Variants in NBEA observed in about 807,000 individuals in gnomAD.
NBEA encodes lysosomal-trafficking regulator 2.
NBEA carries 44 observed loss-of-function variants against 343.4 expected under a neutral mutation model. That is an observed-to-expected ratio of 0.13 (90% CI 0.10 to 0.16). The LOEUF (loss-of-function observed/expected upper bound fraction) is 0.16. Among genes scored for constraint, NBEA ranks in the 10% least tolerant of loss-of-function variants. The probability of loss-of-function intolerance (pLI) is 1.00; values close to 1 mark genes in which losing one functional copy is unlikely to be tolerated. For synonymous variants in NBEA, 1,175 were observed against 1,238.7 expected (o/e 0.95, Z 1.08); for missense variants, 2,555 against 3,631.3 (o/e 0.70, Z 7.62).
chr13:35,276,910 A>G (rs1468090428), intron 34 of NBEA, among the ~76,000 whole-genome samples: 1 of 152,168 alleles, frequency 6.6e-6, no homozygotes, highest in Non-Finnish European at 1.5e-5. Flanking sequence ...TAGATTATAC[A>G]TTTGTTTAAA....
chr13:35,566,302 G>A (rs1049194043), intron 44 of NBEA, among the ~76,000 whole-genome samples: 1 of 151,974 alleles, frequency 6.6e-6, no homozygotes, highest in Admixed American at 6.6e-5. Context: ...CAGAGGTTGC[G>A]GTGAGCCAAG....
intron 53 of NBEA, among the ~76,000 whole-genome samples, chr13:35,652,769 A>C (rs1262601840): frequency 1.7e-5 from 2 of 115,078 alleles, no homozygotes; most frequent in African/African-American, 3.4e-5. Flanking sequence ...ATCTCGGCTC[A>C]CTGCAACCTC....
At chr13:35,408,842 A>G (rs576777900) in intron 38 of NBEA, among the ~76,000 whole-genome samples, 12 of 152,284 alleles carry the variant, frequency 7.9e-5, no homozygotes, top group Non-Finnish European at 1.6e-4. Flanking sequence ...TTAAAAAGTC[A>G]AAAACAACAG....
intron 41 of NBEA, among the ~76,000 whole-genome samples, chr13:35,505,159 A>G (rs2077028679): frequency 6.6e-6 from 1 of 152,172 alleles, no homozygotes; most frequent in Admixed American, 6.6e-5. Flanking sequence ...TTTAAAACAT[A>G]CCTATACTTG....
chr13:35,142,080 A>G (rs941687578), intron 17 of NBEA, among the ~76,000 whole-genome samples, 189 bp from the exon 18 acceptor site: 1 of 152,256 alleles, frequency 6.6e-6, no homozygotes. Context: ...AAAAGTTTTT[A>G]ACTAATAGTC....
intron 8 of NBEA, among the ~76,000 whole-genome samples, chr13:35,060,890 A>C (rs1057503484): frequency 2.0e-5 from 3 of 151,672 alleles, no homozygotes; most frequent in African/African-American, 7.2e-5. Flanking sequence ...GGTGTAGAGA[A>C]TATAATAACT....
intron 1 of NBEA, among the ~76,000 whole-genome samples, chr13:34,955,751 G>A (rs564195111): frequency 6.6e-6 from 1 of 152,152 alleles, no homozygotes; most frequent in Admixed American, 6.5e-5. Context: ...CTTTCAGTTA[G>A]GAGGAGTTAA....
At chr13:35,257,220 T>C (rs1414857209) in intron 34 of NBEA, among the ~76,000 whole-genome samples, 1 of 152,256 alleles carries the variant, frequency 6.6e-6, no homozygotes, top group Non-Finnish European at 1.5e-5. Flanking sequence ...TGGATAAGTT[T>C]AACTTGTTAG....
chr13:35,287,535 C>T lies in NBEA; in HGVS notation c.5777-2854C>T, dbSNP rs547510381. Among the ~76,000 whole-genome samples the T allele has an allele frequency of 1.4e-3, 211 of 152,156 alleles. 1 individual carries two copies. Among genetic ancestry groups the T allele is most frequent in the African/African-American group, 4.9e-3 (203 of 41,532 alleles). Reference sequence around the variant, plus strand: ...ACTCTTATAGTCTATTCATCCATCCCCCAAGCTATAAAGGTTTTTTTCAGA... The same window carrying T: ...ACTCTTATAGTCTATTCATCCATCCTCCAAGCTATAAAGGTTTTTTTCAGA... On this transcript the variant is annotated intron_variant, in intron 34 of 58. Transcript: ENST00000379939.
At chr13:35,026,577 T>A (rs2062027274) in intron 1 of NBEA, among the ~76,000 whole-genome samples, 1 of 152,164 alleles carries the variant, frequency 6.6e-6, no homozygotes, top group Non-Finnish European at 1.5e-5. Context: ...CTATCCTCTT[T>A]TGTTTCTGAA....
At chr13:35,642,743 A>G (rs1359196302) in intron 49 of NBEA, among the ~76,000 whole-genome samples, 3 of 151,998 alleles carry the variant, frequency 2.0e-5, no homozygotes, top group East Asian at 3.9e-4. Context: ...AAAAAATCCA[A>G]TTTCTTGTAT....
At chr13:35,457,279 G>T (rs2046633513) in intron 40 of NBEA, among the ~76,000 whole-genome samples, 1 of 152,052 alleles carries the variant, frequency 6.6e-6, no homozygotes, top group Non-Finnish European at 1.5e-5. Context: ...TTATTGAGAT[G>T]TAATTCACAT....
chr13:35,036,222 T>C lies in NBEA; in HGVS notation c.295-4711T>C, dbSNP rs113842710. Among the ~76,000 whole-genome samples the C allele has an allele frequency of 3.3e-5, 5 of 152,192 alleles. 1 individual carries two copies. Among genetic ancestry groups the C allele is most frequent in the African/African-American group, 1.2e-4 (5 of 41,568 alleles). Reference sequence around the variant, plus strand: ...GCAAATACTATCTTATCATTCATTATTTTAACCTGATAACATAACACTATT... The same window carrying C: ...GCAAATACTATCTTATCATTCATTACTTTAACCTGATAACATAACACTATT... On this transcript the variant is annotated intron_variant, in intron 1 of 58. Coordinates refer to ENST00000379939, the MANE Select transcript of NBEA (RefSeq NM_001385012.1).
At chr13:35,346,390 C>T (rs941974123) in intron 36 of NBEA, among the ~76,000 whole-genome samples, 4 of 152,114 alleles carry the variant, frequency 2.6e-5, no homozygotes, top group Admixed American at 2.6e-4. Context: ...AAAATGTAGG[C>T]TGATAATATG....
chr13:35,444,922 A>G (rs1566143066), intron 39 of NBEA, among the ~76,000 whole-genome samples: 1 of 152,150 alleles, frequency 6.6e-6, no homozygotes, highest in African/African-American at 2.4e-5. Flanking sequence ...TATTTATACT[A>G]CATTCAATTT....
rs531116403 is a variant in NBEA at position 35,538,349 on chromosome 13, G to T, written c.6586-12128G>T. On this transcript the variant is annotated intron_variant, in intron 41 of 58. Coordinates refer to ENST00000379939, the MANE Select transcript of NBEA (RefSeq NM_001385012.1). ...GTGCATTGAACTATCAGAAAGCAAA[G>T]GTGTCACTACCTCAGCCACCCATGT... is the stretch of plus-strand genomic sequence containing the variant. Among the ~76,000 whole-genome samples, 6 of 152,208 alleles carry T rather than the reference G, an allele frequency of 3.9e-5. No homozygotes were observed. In the South Asian group the frequency reaches 1.0e-3, roughly 26 times the overall value.
At chr13:35,345,902 G>T (rs1339120091) in intron 36 of NBEA, among the ~76,000 whole-genome samples, 1 of 152,098 alleles carries the variant, frequency 6.6e-6, no homozygotes, top group East Asian at 1.9e-4. Flanking sequence ...GAGTTAATCA[G>T]TCAAAGAATT....
At chr13:35,260,305 A>T (rs918447067) in intron 34 of NBEA, among the ~76,000 whole-genome samples, 1 of 152,220 alleles carries the variant, frequency 6.6e-6, no homozygotes, top group African/African-American at 2.4e-5. Flanking sequence ...ACATACTTTG[A>T]TTTCTTCTTT....
At chr13:35,112,099 A>G (rs768236974) in intron 13 of NBEA, among the ~76,000 whole-genome samples, 5 of 151,530 alleles carry the variant, frequency 3.3e-5, no homozygotes, top group Non-Finnish European at 7.4e-5. Context: ...TTATATTTTT[A>G]GTGGAGACAG....
Sources: gnomAD v4.1 joint callset for allele counts (sites outside exome capture counted in the v4.1 genomes callset) on GRCh38, gnomAD v4.1.1 for gene constraint, MANE v1.5 for transcripts, NCBI Gene and HGNC (gene_info 2026-07-23, HGNC 2026-07-21) for gene names.